Variants in ST8SIA5 observed in about 807,000 individuals in gnomAD.
The protein encoded by ST8SIA5 is ST8 alpha-N-acetyl-neuraminide alpha-2,8-sialyltransferase 5.
ST8SIA5 carries 24 observed loss-of-function variants against 40.2 expected under a neutral mutation model. The observed-to-expected ratio is 0.60, with a 90% confidence interval of 0.43 to 0.84. The LOEUF is 0.84. Among genes scored for constraint, ST8SIA5 ranks in the 40% least tolerant of loss-of-function variants. The pLI, the probability that ST8SIA5 is intolerant of heterozygous loss-of-function variation, is 0.00. For missense variants in ST8SIA5, 465 were observed against 498.5 expected, an observed-to-expected ratio of 0.93 and a Z score of 0.64; for synonymous variants, 198 against 201.8, an observed-to-expected ratio of 0.98 and a Z score of 0.16.
chr18:46,717,602 C>A (rs1441588014), intron 1 of ST8SIA5, among the ~76,000 whole-genome samples: 1 of 152,176 alleles, frequency 6.6e-6, no homozygotes, highest in Non-Finnish European at 1.5e-5. Context: ...CAGAAGCCCA[C>A]AAATGTCAGC....
rs1184678614 is a variant in ST8SIA5 at position 46,672,036 on chromosome 18, T to G, written c.*8006A>C. On this transcript the variant is annotated 3_prime_UTR_variant, in exon 7 of 7. Transcript: ENST00000315087. ...ATAATCAAGGAGCTCTCCAAGAGAT[T>G]CTGAGGCAGCCTCCAGTTTGAGAAC... is the stretch of plus-strand genomic sequence containing the variant. 1 of 152,226 alleles carries G rather than the reference T, an allele frequency of 6.6e-6. No homozygotes were observed. The highest frequency in any genetic ancestry group is 2.4e-5 in the African/African-American group (1 of 41,462). The allele number at this position is 152,226 out of a possible 1,614,324, so 9.4% of individuals were successfully genotyped here. A position where few individuals can be genotyped will look rare whatever the true frequency, so the allele number is the denominator to read the frequency against.
chr18:46,680,189 G>A lies in ST8SIA5; in HGVS notation c.984C>T (p.Pro328=), dbSNP rs746255295. Residue 328 remains proline (P), a synonymous_variant, in exon 7 of 7, where the codon CCC becomes CCT. Transcript: ENST00000315087. ...LFGFWAFPMN[P]SGLYITHHYY... ...AGTGGTGAGTGATGTAGAGGCCCGA[G>A]GGGTTCATGGGGAAGGCCCAGAAGC... 2.5e-6 allele frequency: 4 copies of A among 1,614,234 alleles called. No individual in the cohort carries two copies. The South Asian group carries it at 4.4e-5, about 18-fold the overall frequency.
At chr18:46,756,087 C>G (rs2040241763) in intron 1 of ST8SIA5, among the ~76,000 whole-genome samples, 1 of 152,350 alleles carries the variant, frequency 6.6e-6, no homozygotes, top group Admixed American at 6.5e-5. Flanking sequence ...GCGGTCTCTC[C>G]GGGTATTAAA....
At chr18:46,743,178 G>A (rs574053601) in intron 1 of ST8SIA5, among the ~76,000 whole-genome samples, 10 of 152,278 alleles carry the variant, frequency 6.6e-5, no homozygotes, top group Admixed American at 3.9e-4. Context: ...ACAGCTCCTC[G>A]CCAGCAATGG....
rs1048167258 is a variant in ST8SIA5 at position 46,685,999 on chromosome 18, C to G, written c.569+175G>C. 2.2e-5 allele frequency: 14 copies of G among 634,456 alleles called. No homozygotes were observed. The African/African-American group carries it at 2.6e-4, about 12-fold the overall frequency. 39.3% of individuals were successfully genotyped at this position (634,456 alleles called of 1,614,324 possible). On this transcript the variant is annotated intron_variant, in intron 5 of 6. Coordinates refer to ENST00000315087, the MANE Select transcript of ST8SIA5 (RefSeq NM_013305.6). ...GGAAACTGAGGACCTAGGAGTTCAA[C>G]GACTTCCCCAAAGGGATGGGGCTGG...
At chr18:46,693,431 T>A (rs1272676855) in intron 2 of ST8SIA5, among the ~76,000 whole-genome samples, 1 of 152,128 alleles carries the variant, frequency 6.6e-6, no homozygotes, top group Non-Finnish European at 1.5e-5. Flanking sequence ...CCCTTCTCCC[T>A]GAAAAACCCT....
chr18:46,710,403 CTTTCTTTCTTTCTTTT>C (rs1000003879), intron 1 of ST8SIA5, among the ~76,000 whole-genome samples: 4 of 124,370 alleles, frequency 3.2e-5, no homozygotes, highest in African/African-American at 6.2e-5. Flanking sequence ...TTCTTTCTTT[CTTTCTTTCTTTCTTTT>C]TCTTTCTCTC....
At position 46,668,303 on chromosome 18, in the gene ST8SIA5, A is replaced by T. The variant is rs537938415; in HGVS notation, c.*11739T>A. 224 of 152,362 alleles carry T rather than the reference A, an allele frequency of 1.5e-3. No individual in the cohort carries two copies. Among genetic ancestry groups the T allele is most frequent in the Non-Finnish European group, 2.7e-3 (182 of 68,070 alleles). 9.4% of individuals were successfully genotyped at this position (152,362 alleles called of 1,614,324 possible). A position where few individuals can be genotyped will look rare whatever the true frequency, so the allele number is the denominator to read the frequency against. ...TGCCACGTGGCCGCTTTTTCTTCAT[A>T]CGCAGGAGGCCACTCAGAAATGAGC... is the stretch of plus-strand genomic sequence containing the variant. On this transcript the variant is annotated 3_prime_UTR_variant, in exon 7 of 7. Coordinates refer to ENST00000315087, the MANE Select transcript of ST8SIA5 (RefSeq NM_013305.6).
At chr18:46,688,584 TCAGA>T (rs1332356914) in intron 4 of ST8SIA5, among the ~76,000 whole-genome samples, 187 bp downstream of exon 4, 3 of 152,216 alleles carry the variant, frequency 2.0e-5, no homozygotes, top group African/African-American at 7.2e-5. Context: ...GTCATGGTTC[TCAGA>T]CAGAACCCCC....
chr18:46,711,942 C>T (rs17778939), intron 1 of ST8SIA5, among the ~76,000 whole-genome samples: 39,269 of 152,114 alleles, frequency 0.26, 5,770 homozygotes, highest in Middle Eastern at 0.4. Context: ...GCCTGATGTT[C>T]TCAGTGCAAC....
intron 1 of ST8SIA5, among the ~76,000 whole-genome samples, chr18:46,737,860 T>C (rs2040050026): frequency 6.6e-6 from 1 of 151,994 alleles, no homozygotes; most frequent in Non-Finnish European, 1.5e-5. Context: ...AACCTCTACC[T>C]CCCAGGTTCA....
At chr18:46,688,021 G>A (rs957096838) in intron 4 of ST8SIA5, among the ~76,000 whole-genome samples, 2 of 152,208 alleles carry the variant, frequency 1.3e-5, no homozygotes, top group African/African-American at 2.4e-5. Context: ...CCAGGTGATT[G>A]CAGGTGCTCA....
Position 46,680,425 on chromosome 18 carries a change from A to G in ST8SIA5, c.748T>C (p.Tyr250His). The change falls in exon 7 of 7, where the codon TAC becomes CAC. Residue 250 changes from tyrosine (Y) to histidine (H), a missense_variant. Physicochemically the swap from Tyr to His is moderately conservative, Grantham distance 83 (BLOSUM62 2). Transcript: ENST00000315087. ...ENASVLLPAF[Y>H]NTRNTDVSIR... is the part of the protein sequence containing the mutation. ...GACACGTCGGTGTTGCGCGTGTTGT[A>G]GAAGGCAGGCAGCAGCACCGACGCG... 1 of 1,613,192 alleles carries G rather than the reference A, an allele frequency of 6.2e-7. No homozygotes were observed. Among genetic ancestry groups the G allele is most frequent in the Non-Finnish European group, 8.5e-7 (1 of 1,179,572 alleles).
chr18:46,719,276 G>A (rs754019461), intron 1 of ST8SIA5, among the ~76,000 whole-genome samples: 10 of 152,186 alleles, frequency 6.6e-5, no homozygotes, highest in Non-Finnish European at 1.5e-4. Context: ...TGACCCTGCA[G>A]GCTCCCGGCT....
intron 1 of ST8SIA5, among the ~76,000 whole-genome samples, chr18:46,748,555 CAA>C (rs71162822): frequency 7.7e-5 from 6 of 78,384 alleles, no homozygotes; most frequent in Non-Finnish European, 1.2e-4. Flanking sequence ...AACTTCCTCT[CAA>C]AAAAAAAAAA....
chr18:46,727,880 G>C (rs995025810), intron 1 of ST8SIA5, among the ~76,000 whole-genome samples: 22 of 152,232 alleles, frequency 1.4e-4, no homozygotes, highest in African/African-American at 5.3e-4. Context: ...TGCCATTGCT[G>C]TGGACTGTTT....
In ST8SIA5 at chr18:46,675,096, C is replaced by T. The variant is rs990054804; in HGVS notation, c.*4946G>A. 6.6e-6 allele frequency: 1 copy of T among 152,084 alleles called. No homozygotes were observed. The highest frequency in any genetic ancestry group is 2.4e-5 in the African/African-American group (1 of 41,398). 9.4% of individuals were successfully genotyped at this position (152,084 alleles called of 1,614,324 possible). A position where few individuals can be genotyped will look rare whatever the true frequency, so the allele number is the denominator to read the frequency against. On this transcript the variant is annotated 3_prime_UTR_variant, in exon 7 of 7. Transcript: ENST00000315087. ...CAGATGGTCTGGGTTAGGGCAGTAG[C>T]AGAGGGGTTGCAGGGAGGGAATGAC...
chr18:46,750,747 G>C (rs1168251264), intron 1 of ST8SIA5, among the ~76,000 whole-genome samples: 1 of 152,054 alleles, frequency 6.6e-6, no homozygotes, highest in Non-Finnish European at 1.5e-5. Flanking sequence ...TCGGCTTCCA[G>C]AGCCAGCTCT....
At chr18:46,683,744 G>A (rs748408382) in intron 5 of ST8SIA5, among the ~76,000 whole-genome samples, 19 of 151,832 alleles carry the variant, frequency 1.3e-4, no homozygotes, top group African/African-American at 2.9e-4. Context: ...GATTGAGTGC[G>A]GGAGGGGGTG....
Sources: allele counts gnomAD v4.1 joint callset (sites outside exome capture counted in the v4.1 genomes callset), GRCh38; gene constraint gnomAD v4.1.1; transcripts MANE v1.5; gene names NCBI Gene and HGNC (gene_info 2026-07-23, HGNC 2026-07-21).